Variants in CEP112 observed in about 807,000 individuals in gnomAD.
CEP112 encodes the protein centrosomal protein of 112 kDa.
Under a neutral mutation model 153.0 loss-of-function variants are expected in CEP112, and 127 were observed. The observed-to-expected ratio is 0.83, with a 90% CI of 0.72 to 0.96. The LOEUF (loss-of-function observed/expected upper bound fraction) is 0.96, where lower values mean the gene tolerates loss of function less well. Ranked by LOEUF, CEP112 falls within the 40% of genes least tolerant of loss-of-function variation. The probability of loss-of-function intolerance (pLI) is 0.00; values close to 1 mark genes in which losing one functional copy is unlikely to be tolerated. For missense variants in CEP112, 1,089 were observed against 1,101.2 expected, an observed-to-expected ratio of 0.99 and a Z score of 0.16; for synonymous variants, 358 against 374.4, an observed-to-expected ratio of 0.96 and a Z score of 0.51.
intron 21 of CEP112, among the ~76,000 whole-genome samples, chr17:65,837,793 A>T (rs1598741665): frequency 1.3e-5 from 2 of 152,190 alleles, no homozygotes; most frequent in African/African-American, 4.8e-5. Context: ...CTTACCCCCA[A>T]CCCCGTGCTC....
intron 17 of CEP112, among the ~76,000 whole-genome samples, chr17:65,965,102 TTTTCA>T (rs1382442324): frequency 6.6e-6 from 1 of 152,332 alleles, no homozygotes. Flanking sequence ...ATTTAAACAC[TTTTCA>T]TTTAATAGGA....
chr17:65,679,564 G>A (rs1028096842), intron 24 of CEP112, among the ~76,000 whole-genome samples: 2 of 152,060 alleles, frequency 1.3e-5, no homozygotes, highest in African/African-American at 4.8e-5. Flanking sequence ...AATCCTTTAT[G>A]GAAAATGAAA....
At chr17:65,824,754 A>G (rs1457084793) in intron 21 of CEP112, among the ~76,000 whole-genome samples, 1 of 152,162 alleles carries the variant, frequency 6.6e-6, no homozygotes, top group South Asian at 2.1e-4. Context: ...TACAGCACAG[A>G]CTGTTATCTG....
intron 24 of CEP112, among the ~76,000 whole-genome samples, chr17:65,661,407 C>T (rs142493071): frequency 2.9e-4 from 44 of 152,258 alleles, no homozygotes; most frequent in Non-Finnish European, 4.6e-4. Context: ...TAATCTTCTA[C>T]GAATGCTATA....
chr17:66,027,791 T>C (rs1346714507), intron 15 of CEP112, among the ~76,000 whole-genome samples: 1 of 152,104 alleles, frequency 6.6e-6, no homozygotes, highest in Non-Finnish European at 1.5e-5. Flanking sequence ...CTTTACAGTA[T>C]AAGAAAATCT....
chr17:65,847,596 C>A (rs1028303591), intron 21 of CEP112, among the ~76,000 whole-genome samples: 1 of 152,158 alleles, frequency 6.6e-6, no homozygotes, highest in Non-Finnish European at 1.5e-5. Flanking sequence ...TCATGTCATA[C>A]CCGGAGGGCA....
intron 21 of CEP112, among the ~76,000 whole-genome samples, chr17:65,763,127 T>G (rs946870079): frequency 6.6e-6 from 1 of 152,122 alleles, no homozygotes; most frequent in Non-Finnish European, 1.5e-5. Flanking sequence ...GATTGTTCAC[T>G]TCTCTCTCTT....
chr17:66,125,337 C>T (rs933849183), intron 6 of CEP112, among the ~76,000 whole-genome samples: 1 of 152,172 alleles, frequency 6.6e-6, no homozygotes, highest in Non-Finnish European at 1.5e-5. Flanking sequence ...AGCTCAGTTT[C>T]TCTCCCAGAC....
chr17:65,853,726 T>TAAA (rs5821571), intron 20 of CEP112, among the ~76,000 whole-genome samples: 39 of 142,908 alleles, frequency 2.7e-4, no homozygotes, highest in Admixed American at 4.9e-4. Flanking sequence ...AGACTCCATC[T>TAAA]AAAAAAAAAA....
At chr17:66,038,118 AAG>A (rs1327968961) in intron 12 of CEP112, among the ~76,000 whole-genome samples, 4 of 151,230 alleles carry the variant, frequency 2.6e-5, no homozygotes, top group Non-Finnish European at 4.4e-5. Flanking sequence ...AAAAAAAGAA[AAG>A]AAAAGAAAAG....
chr17:66,126,762 T>C (rs1020845618), intron 6 of CEP112, among the ~76,000 whole-genome samples: 1 of 152,270 alleles, frequency 6.6e-6, no homozygotes, highest in South Asian at 2.1e-4. Flanking sequence ...TGGGAAAAAT[T>C]TGATTTTTTA....
At chr17:65,822,995 A>T (rs971989808) in intron 21 of CEP112, among the ~76,000 whole-genome samples, 1 of 152,248 alleles carries the variant, frequency 6.6e-6, no homozygotes, top group Admixed American at 6.5e-5. Context: ...AATATCATCT[A>T]ACAAAATATG....
chr17:65,962,819 T>A (rs2062260302), intron 17 of CEP112, among the ~76,000 whole-genome samples: 1 of 152,180 alleles, frequency 6.6e-6, no homozygotes, highest in Admixed American at 6.5e-5. Context: ...AAGATGTGAC[T>A]TGCTCCTCCT....
chr17:65,969,898 AAC>A (rs2062594764), intron 17 of CEP112, among the ~76,000 whole-genome samples: 3 of 152,224 alleles, frequency 2.0e-5, no homozygotes, highest in Admixed American at 6.5e-5. Context: ...ATGCATGCTT[AAC>A]ACATGCATAT....
At chr17:66,102,665 G>A (rs1208141517) in intron 6 of CEP112, among the ~76,000 whole-genome samples, 1 of 151,546 alleles carries the variant, frequency 6.6e-6, no homozygotes, top group Admixed American at 6.6e-5. Context: ...GGGTGTGGTG[G>A]CGGGCACCTG....
chr17:65,758,025 G>A (rs2052389632), intron 21 of CEP112, among the ~76,000 whole-genome samples: 1 of 151,996 alleles, frequency 6.6e-6, no homozygotes, highest in South Asian at 2.1e-4. Flanking sequence ...AGTGAGACAG[G>A]GTCTCACTAT....
At position 65,978,628 on chromosome 17, in the gene CEP112, T is replaced by C. The variant is rs888488592; in HGVS notation, c.1737-17030A>G. 2.7e-4 allele frequency among the ~76,000 whole-genome samples: 41 copies of C among 152,258 alleles called. 1 individual carries two copies. Among genetic ancestry groups the C allele is most frequent in the Admixed American group, 2.5e-3 (38 of 15,288 alleles). On this transcript the variant is annotated intron_variant, in intron 17 of 26. Transcript: ENST00000535342. ...GAAGTATTATTGTCCTTTATTAGCATATTTTACTCCCCATAAGGGTTACAT... is the reference window on the plus strand; with the variant it reads ...GAAGTATTATTGTCCTTTATTAGCACATTTTACTCCCCATAAGGGTTACAT...
chr17:66,077,763 A>G (rs1369829025), intron 8 of CEP112, among the ~76,000 whole-genome samples: 1 of 152,166 alleles, frequency 6.6e-6, no homozygotes, highest in East Asian at 1.9e-4. Context: ...ACTGTCATCA[A>G]GTTGTATATT....
chr17:66,073,950 A>G (rs1311713927), intron 8 of CEP112, among the ~76,000 whole-genome samples: 1 of 152,138 alleles, frequency 6.6e-6, no homozygotes, highest in African/African-American at 2.4e-5. Context: ...AAGAAAAGAA[A>G]ATTTTGTCCT....
Sources: gnomAD v4.1 joint callset for allele counts (sites outside exome capture counted in the v4.1 genomes callset) on GRCh38, gnomAD v4.1.1 for gene constraint, MANE v1.5 for transcripts, NCBI Gene and HGNC (gene_info 2026-07-23, HGNC 2026-07-21) for gene names.